FAM240B: variants seen among roughly 807,000 people sequenced by gnomAD.
FAM240B encodes the protein protein FAM240B.
At chr9:38,696,284 C>G (rs1821067338) in intron 2 of FAM240B, among the ~76,000 whole-genome samples, 1 of 152,110 alleles carries the variant, frequency 6.6e-6, no homozygotes, top group African/African-American at 2.4e-5. Context: ...TTCTACATCC[C>G]AGTCTATTTT....
chr9:38,714,597 G>A (rs1821289409), intron 1 of FAM240B, among the ~76,000 whole-genome samples: 1 of 152,190 alleles, frequency 6.6e-6, no homozygotes, highest in Non-Finnish European at 1.5e-5. Flanking sequence ...AATAAGTATT[G>A]TGGATATCAT....
chr9:38,713,481 CAAAAAAAAAAA>C lies in FAM240B; in HGVS notation c.-4+6530_-4+6540del, dbSNP rs77404875. 2.6e-4 allele frequency among the ~76,000 whole-genome samples: 22 copies of C among 83,604 alleles called. 1 individual carries two copies. Among genetic ancestry groups the C allele is most frequent in the African/African-American group, 7.2e-4 (15 of 20,794 alleles). The allele number at this position is 83,604 out of a possible 152,430, so 54.8% of individuals were successfully genotyped here. A position where few individuals can be genotyped will look rare whatever the true frequency, so the allele number is the denominator to read the frequency against. On this transcript the variant is annotated intron_variant, in intron 1 of 2. Transcript: ENST00000637493. ...CTACAGAGTGAGACTCCGTTTCAAA[CAAAAAAAAAAA>C]AAAAAAAAAAAAAGAACTAGATTTC...
chr9:38,710,683 C>A (rs976537520), intron 1 of FAM240B, among the ~76,000 whole-genome samples: 2 of 148,508 alleles, frequency 1.3e-5, no homozygotes, highest in South Asian at 2.1e-4. Context: ...GGTCTGCCCC[C>A]ACTAAGTGGT....
chr9:38,711,764 C>G, intron 1 of FAM240B, among the ~76,000 whole-genome samples: 1 of 151,222 alleles, frequency 6.6e-6, no homozygotes. Context: ...TCAAGCAATT[C>G]TCCTGCCTCA....
intron 2 of FAM240B, among the ~76,000 whole-genome samples, chr9:38,701,083 T>C (rs549497570): frequency 2.0e-5 from 3 of 152,322 alleles, no homozygotes; most frequent in East Asian, 1.9e-4. Context: ...ATTTAGAACA[T>C]TTCTTGATTG....
At chr9:38,702,253 A>AGTGT (rs1454604423) in intron 2 of FAM240B, among the ~76,000 whole-genome samples, 2 of 152,198 alleles carry the variant, frequency 1.3e-5, no homozygotes, top group Admixed American at 6.5e-5. Flanking sequence ...TTTGTCCATT[A>AGTGT]GGCCACCAGG....
intron 1 of FAM240B, among the ~76,000 whole-genome samples, chr9:38,709,205 T>G (rs62567672): frequency 2.0e-5 from 3 of 152,154 alleles, no homozygotes; most frequent in African/African-American, 7.2e-5. Context: ...TGCTGGTGAA[T>G]CTGAACTTCA....
intron 1 of FAM240B, among the ~76,000 whole-genome samples, chr9:38,709,858 A>G (rs1821231869): frequency 6.6e-6 from 1 of 152,168 alleles, no homozygotes; most frequent in Admixed American, 6.5e-5. Context: ...TATAAACTCA[A>G]TTTCAGAGGT....
chr9:38,717,860 G>C (rs1181932643), intron 1 of FAM240B, among the ~76,000 whole-genome samples: 1 of 152,130 alleles, frequency 6.6e-6, no homozygotes, highest in Non-Finnish European at 1.5e-5. Context: ...GTCGTTTTGT[G>C]CACATGGTAA....
intron 2 of FAM240B, among the ~76,000 whole-genome samples, chr9:38,698,127 T>C (rs1821087459): frequency 6.6e-6 from 1 of 152,254 alleles, no homozygotes. Context: ...GTTCCTTTTA[T>C]GACCCTTGGT....
chr9:38,717,684 G>T (rs867507732), intron 1 of FAM240B, among the ~76,000 whole-genome samples: 2 of 151,644 alleles, frequency 1.3e-5, no homozygotes, highest in Non-Finnish European at 2.9e-5. Context: ...GGGTTTCACC[G>T]TGTTAGCCAG....
intron 2 of FAM240B, among the ~76,000 whole-genome samples, chr9:38,701,329 C>T (rs1460831130): frequency 2.6e-5 from 4 of 152,106 alleles, no homozygotes; most frequent in African/African-American, 9.7e-5. Context: ...ACTATTTGCT[C>T]AGCTCAGCGG....
intron 2 of FAM240B, among the ~76,000 whole-genome samples, chr9:38,697,733 T>G (rs2118997981): frequency 6.6e-6 from 1 of 152,370 alleles, no homozygotes. Context: ...TACTTAGGTC[T>G]ATTTCACCTG....
intron 1 of FAM240B, among the ~76,000 whole-genome samples, chr9:38,713,521 A>G (rs1440665177): frequency 6.6e-6 from 1 of 150,732 alleles, no homozygotes; most frequent in Admixed American, 6.6e-5. Flanking sequence ...AGATTTCATC[A>G]TCTGTTCAAG....
At chr9:38,697,332 C>T (rs1051795304) in intron 2 of FAM240B, among the ~76,000 whole-genome samples, 1 of 152,168 alleles carries the variant, frequency 6.6e-6, no homozygotes, top group African/African-American at 2.4e-5. Flanking sequence ...AATGCAGGCC[C>T]GTCCCAGCAA....
chr9:38,711,539 T>C (rs1821254725), intron 1 of FAM240B, among the ~76,000 whole-genome samples: 1 of 152,232 alleles, frequency 6.6e-6, no homozygotes, highest in South Asian at 2.1e-4. Context: ...AGATGGAAGC[T>C]GGAGTGCAAT....
intron 1 of FAM240B, among the ~76,000 whole-genome samples, chr9:38,718,282 C>T (rs1386173877): frequency 3.9e-5 from 6 of 152,198 alleles, no homozygotes; most frequent in African/African-American, 1.4e-4. Context: ...GCATAAACTC[C>T]TAGAAGTATA....
chr9:38,695,093 G>A (rs1821053420), intron 2 of FAM240B, among the ~76,000 whole-genome samples: 1 of 152,128 alleles, frequency 6.6e-6, no homozygotes, highest in South Asian at 2.1e-4. Flanking sequence ...AGAGCATTAG[G>A]ACAAATACCT....
chr9:38,705,895 G>A (rs1821185737), intron 1 of FAM240B, among the ~76,000 whole-genome samples: 2 of 151,304 alleles, frequency 1.3e-5, no homozygotes, highest in South Asian at 4.2e-4. Flanking sequence ...TGTAGTCAGA[G>A]CTGCCCTAGA....
Sources: allele counts gnomAD v4.1 joint callset (sites outside exome capture counted in the v4.1 genomes callset), GRCh38; gene constraint gnomAD v4.1.1; transcripts MANE v1.5; gene names NCBI Gene and HGNC (gene_info 2026-07-23, HGNC 2026-07-21).